ATP8A1: variants seen among roughly 807,000 people sequenced by gnomAD.
ATP8A1 encodes the protein phospholipid-transporting ATPase IA.
ATP8A1 carries 90 observed loss-of-function variants against 177.7 expected under a neutral mutation model. The observed-to-expected ratio is 0.51, with a 90% CI of 0.43 to 0.60. ATP8A1 has a LOEUF of 0.60. Ranked by LOEUF, ATP8A1 falls within the 20% of genes least tolerant of loss-of-function variation. ATP8A1 has a pLI of 0.00. For missense variants in ATP8A1, 1,072 were observed against 1,392.8 expected (o/e 0.77, Z 3.67); for synonymous variants, 493 against 485.9 (o/e 1.01, Z -0.19).
intron 15 of ATP8A1, among the ~76,000 whole-genome samples, chr4:42,557,302 A>C (rs1350222390): frequency 2.6e-5 from 4 of 152,236 alleles, no homozygotes; most frequent in Non-Finnish European, 5.9e-5. Context: ...AAAAAATCTA[A>C]GAAAAAGATA....
At chr4:42,614,023 T>A (rs372620507) in intron 5 of ATP8A1, among the ~76,000 whole-genome samples, 17 of 152,326 alleles carry the variant, frequency 1.1e-4, no homozygotes, top group African/African-American at 3.6e-4. Flanking sequence ...GAATTGAGTT[T>A]TATATATATT....
intron 22 of ATP8A1, among the ~76,000 whole-genome samples, chr4:42,513,806 T>C (rs1407721397): frequency 6.6e-6 from 1 of 152,170 alleles, no homozygotes; most frequent in Non-Finnish European, 1.5e-5. Flanking sequence ...AGGTCACTAG[T>C]AGCTGTATGG....
At chr4:42,461,244 C>CTTTTTTTTTTTTTTTTTTTT (rs777847439) in intron 27 of ATP8A1, among the ~76,000 whole-genome samples, 1 of 84,542 alleles carries the variant, frequency 1.2e-5, no homozygotes, top group Non-Finnish European at 2.3e-5. Flanking sequence ...TCAATTTTTT[C>CTTTTTTTTTTTTTTTTTTTT]TTTCTTTTTT....
intron 33 of ATP8A1, 132 bp downstream of exon 33, chr4:42,443,433 C>A: frequency 1.9e-6 from 1 of 526,752 alleles, no homozygotes; most frequent in Non-Finnish European, 3.4e-6. Context: ...AATTTAAAAA[C>A]AGCTTTTAAA....
intron 1 of ATP8A1, among the ~76,000 whole-genome samples, chr4:42,641,654 G>C (rs1740007471): frequency 6.6e-6 from 1 of 152,152 alleles, no homozygotes; most frequent in South Asian, 2.1e-4. Flanking sequence ...GACTTCAGTA[G>C]CAGTGTGTTC....
chr4:42,646,543 G>A (rs1740555067), intron 1 of ATP8A1, among the ~76,000 whole-genome samples: 1 of 152,148 alleles, frequency 6.6e-6, no homozygotes, highest in African/African-American at 2.4e-5. Flanking sequence ...AGCTGAACTG[G>A]TGTAGGCTGG....
chr4:42,462,630 G>T (rs2153182273), intron 27 of ATP8A1, among the ~76,000 whole-genome samples: 1 of 152,378 alleles, frequency 6.6e-6, no homozygotes, highest in Admixed American at 6.5e-5. Flanking sequence ...GGGCAGTGGA[G>T]AAGGAAAATG....
intron 23 of ATP8A1, among the ~76,000 whole-genome samples, chr4:42,505,794 C>T (rs1448032211): frequency 6.6e-6 from 1 of 152,210 alleles, no homozygotes; most frequent in African/African-American, 2.4e-5. Flanking sequence ...ATGCTGTGAA[C>T]TCCTCTAAAA....
intron 6 of ATP8A1, among the ~76,000 whole-genome samples, chr4:42,597,435 T>A (rs1420810759): frequency 6.6e-6 from 1 of 152,196 alleles, no homozygotes; most frequent in Non-Finnish European, 1.5e-5. Flanking sequence ...TTTTTTCACC[T>A]ATGATTATAT....
chr4:42,506,176 T>C (rs1244937347), intron 23 of ATP8A1, among the ~76,000 whole-genome samples: 1 of 152,176 alleles, frequency 6.6e-6, no homozygotes, highest in African/African-American at 2.4e-5. Context: ...CCCAAATTCA[T>C]ATGCTGAAAC....
At chr4:42,646,357 G>A (rs925778384) in intron 1 of ATP8A1, among the ~76,000 whole-genome samples, 18 of 152,324 alleles carry the variant, frequency 1.2e-4, no homozygotes, top group African/African-American at 4.1e-4. Context: ...TCTTTAGAGT[G>A]CTAAGTCAGA....
chr4:42,549,089 C>CA, intron 18 of ATP8A1, 27 bp from the exon 19 acceptor site: 1 of 1,563,034 alleles, frequency 6.4e-7, no homozygotes, highest in Non-Finnish European at 8.8e-7. Context: ...TATATAATTA[C>CA]ATACAGTTGG....
intron 6 of ATP8A1, chr4:42,594,254 C>G (rs778579680): frequency 7.6e-7 from 1 of 1,319,960 alleles, no homozygotes. Context: ...AGAAACCATC[C>G]TCTACACTGT....
rs764452182 is a variant in ATP8A1, at chr4:42,635,782, CATAT to C, written c.50-8677_50-8674del. On this transcript the variant is annotated intron_variant, in intron 1 of 36. Coordinates refer to ENST00000381668, the MANE Select transcript of ATP8A1 (RefSeq NM_006095.2). Reference sequence around the variant, plus strand: ...ACACACACACACACACACACACACACATATATATATATATATATATATATATATA... The same window carrying C: ...ACACACACACACACACACACACACACATATATATATATATATATATATATA... Among the ~76,000 whole-genome samples, 509 of 51,972 alleles carry C rather than the reference CATAT, an allele frequency of 9.8e-3. 18 individuals carry two copies. Among genetic ancestry groups the C allele is most frequent in the East Asian group, 0.061 (143 of 2,360 alleles). The allele number at this position is 51,972 out of a possible 152,430, so 34.1% of individuals were successfully genotyped here. A position where few individuals can be genotyped will look rare whatever the true frequency, so the allele number is the denominator to read the frequency against.
intron 1 of ATP8A1, among the ~76,000 whole-genome samples, chr4:42,628,293 C>G (rs979147701): frequency 2.0e-5 from 3 of 152,126 alleles, no homozygotes; most frequent in Non-Finnish European, 2.9e-5. Context: ...TAGTATGAAA[C>G]CAGAAAATCA....
intron 22 of ATP8A1, among the ~76,000 whole-genome samples, chr4:42,515,485 T>C (rs1022347589): frequency 2.6e-5 from 4 of 152,232 alleles, no homozygotes; most frequent in African/African-American, 9.6e-5. Context: ...GGGCACTAAA[T>C]TGTTGTTTAG....
chr4:42,596,513 A>G (rs982240205), intron 6 of ATP8A1, among the ~76,000 whole-genome samples: 1 of 151,952 alleles, frequency 6.6e-6, no homozygotes, highest in African/African-American at 2.4e-5. Context: ...CTACCAATAC[A>G]AAAATTAGCT....
Position 42,524,795 on chromosome 4 carries a change from G to T in ATP8A1, c.1775C>A (p.Thr592Asn). Residue 592 changes from threonine (T) to asparagine (N), a missense_variant, in exon 21 of 37, where the codon ACC (threonine) becomes AAC (asparagine). Around this residue, in one of 5 missense-constraint regions of ATP8A1, gnomAD observed 388 missense variants for 471.7 expected, o/e 0.82. Coordinates refer to ENST00000381668, the MANE Select transcript of ATP8A1 (RefSeq NM_006095.2). The part of the protein sequence containing the change: ...LAETSKYKEI[T>N]LKHLEQFATE... The stretch of plus-strand genomic sequence containing the variant: ...AGCAAACTGCTCTAAATGTTTTAGG[G>T]TAATTTCTTTGTATTTTGACGTCTC... 1 of 1,610,028 alleles carries T rather than the reference G, an allele frequency of 6.2e-7. No individual in the cohort carries two copies. The highest frequency in any genetic ancestry group is 8.5e-7 in the Non-Finnish European group (1 of 1,178,224).
At chr4:42,639,819 A>C (rs948660607) in intron 1 of ATP8A1, among the ~76,000 whole-genome samples, 2 of 152,190 alleles carry the variant, frequency 1.3e-5, no homozygotes, top group African/African-American at 4.8e-5. Context: ...CCCCTTACCA[A>C]ATCTGCAGAT....
Sources: gnomAD v4.1 joint callset for allele counts (sites outside exome capture counted in the v4.1 genomes callset) on GRCh38, gnomAD v4.1.1 for gene constraint, gnomAD v4.1.1 regional missense constraint, MANE v1.5 for transcripts, NCBI Gene and HGNC (gene_info 2026-07-23, HGNC 2026-07-21) for gene names.